The following OCA2 variants were observed in gnomAD, a reference collection of about 807,000 sequenced individuals.
OCA2 encodes the protein OCA2 melanosomal transmembrane protein.
A neutral mutation model predicts 100.2 loss-of-function variants in OCA2; 77 were observed. The ratio of observed to expected loss-of-function variants is 0.77; its 90% CI spans 0.64 to 0.93. The LOEUF is 0.93. Among genes scored for constraint, OCA2 ranks in the 40% least tolerant of loss-of-function variants. The probability of loss-of-function intolerance (pLI) is 0.00; values close to 1 mark genes in which losing one functional copy is unlikely to be tolerated. For synonymous variants in OCA2, 432 were observed against 439.2 expected (o/e 0.98, Z 0.21); for missense variants, 1,062 against 1,089.1 (o/e 0.98, Z 0.35).
At chr15:28,058,144 A>G (rs544026861) in intron 2 of OCA2, among the ~76,000 whole-genome samples, 40 of 152,330 alleles carry the variant, frequency 2.6e-4, no homozygotes, top group South Asian at 2.3e-3. Context: ...GTCCCCCCCA[A>G]TAATGAAATG....
chr15:28,033,094 T>C (rs1282554491), intron 2 of OCA2, among the ~76,000 whole-genome samples: 1 of 152,202 alleles, frequency 6.6e-6, no homozygotes, highest in Non-Finnish European at 1.5e-5. Flanking sequence ...CCACCATAAA[T>C]GTATCATTTA....
At chr15:28,034,832 A>G (rs1449499306) in intron 2 of OCA2, among the ~76,000 whole-genome samples, 2 of 152,246 alleles carry the variant, frequency 1.3e-5, no homozygotes, top group Non-Finnish European at 2.9e-5. Flanking sequence ...CCTAGTAATC[A>G]TAGCTTTTTT....
At chr15:27,837,502 A>C (rs1016977493) in intron 23 of OCA2, among the ~76,000 whole-genome samples, 1 of 152,202 alleles carries the variant, frequency 6.6e-6, no homozygotes, top group African/African-American at 2.4e-5. Context: ...CAGCCAAGCT[A>C]TCTCTCAGGC....
At chr15:27,719,761 A>C in the OCA2 span, among the ~76,000 whole-genome samples, 3 of 152,178 alleles carry the variant, frequency 2.0e-5, no homozygotes. Flanking sequence ...ATTTTGGCTC[A>C]CAGTTCTGGA....
At chr15:27,949,578 G>T (rs2039963618) in intron 18 of OCA2, among the ~76,000 whole-genome samples, 1 of 152,126 alleles carries the variant, frequency 6.6e-6, no homozygotes, top group African/African-American at 2.4e-5. Context: ...CAGGAGAATT[G>T]CTTGAGCCCA....
chr15:28,063,995 C>G (rs1317773569), intron 2 of OCA2, among the ~76,000 whole-genome samples: 1 of 152,134 alleles, frequency 6.6e-6, no homozygotes, highest in African/African-American at 2.4e-5. Context: ...TGTTAAAGAA[C>G]TCCCTCAGCT....
intron 16 of OCA2, among the ~76,000 whole-genome samples, chr15:27,956,928 C>G (rs574632131): frequency 6.6e-6 from 1 of 152,202 alleles, no homozygotes; most frequent in Admixed American, 6.5e-5. Flanking sequence ...GTTCACATTT[C>G]CCCTTGCCTA....
the OCA2 span, among the ~76,000 whole-genome samples, chr15:27,733,238 G>A: frequency 5.3e-5 from 8 of 152,288 alleles, no homozygotes; most frequent in South Asian, 2.1e-4. Flanking sequence ...TCTTCTTTCA[G>A]ATAGAATATT....
intron 14 of OCA2, among the ~76,000 whole-genome samples, chr15:27,978,689 C>T (rs1315425961): frequency 6.7e-6 from 1 of 149,144 alleles, no homozygotes; most frequent in Non-Finnish European, 1.5e-5. Flanking sequence ...GAGAGAGAGA[C>T]ATTTTTTTTT....
intron 2 of OCA2, among the ~76,000 whole-genome samples, chr15:28,049,589 T>C (rs889669949): frequency 6.6e-6 from 1 of 152,140 alleles, no homozygotes; most frequent in African/African-American, 2.4e-5. Context: ...AAAAGATTAA[T>C]AAAATATGGT....
chr15:28,077,993 C>T (rs2044487617), intron 2 of OCA2, among the ~76,000 whole-genome samples: 1 of 152,158 alleles, frequency 6.6e-6, no homozygotes, highest in Non-Finnish European at 1.5e-5. Flanking sequence ...GAAGGAGAAT[C>T]GCCTGAACCT....
intron 19 of OCA2, among the ~76,000 whole-genome samples, chr15:27,883,038 G>T (rs1395534982): frequency 6.6e-6 from 1 of 152,148 alleles, no homozygotes; most frequent in East Asian, 1.9e-4. Flanking sequence ...ATTAGGCTGA[G>T]GCTAGTGCAA....
At chr15:27,815,731 C>G (rs1312973464) in intron 23 of OCA2, among the ~76,000 whole-genome samples, 1 of 152,190 alleles carries the variant, frequency 6.6e-6, no homozygotes, top group East Asian at 1.9e-4. Flanking sequence ...TGAATGCTGA[C>G]ACGCACTGCC....
intron 1 of OCA2, among the ~76,000 whole-genome samples, chr15:28,089,615 A>G (rs1210986733): frequency 6.6e-6 from 1 of 152,210 alleles, no homozygotes. Flanking sequence ...AACATATCAG[A>G]AAAAAATGCA....
intron 9 of OCA2, among the ~76,000 whole-genome samples, chr15:27,997,037 G>GAGAGAGAGAA (rs1555370238): frequency 2.8e-5 from 4 of 141,748 alleles, no homozygotes; most frequent in Admixed American, 7.4e-5. Flanking sequence ...AAGAGAGAGA[G>GAGAGAGAGAA]AGAGAAAGAA....
At chr15:27,845,338 G>A (rs1011811210) in intron 22 of OCA2, among the ~76,000 whole-genome samples, 3 of 152,150 alleles carry the variant, frequency 2.0e-5, no homozygotes, top group Non-Finnish European at 2.9e-5. Flanking sequence ...GTGGGGCTGT[G>A]TGTCTTTCAG....
At chr15:28,092,832 C>G (rs968381889) in intron 1 of OCA2, among the ~76,000 whole-genome samples, 2 of 151,988 alleles carry the variant, frequency 1.3e-5, no homozygotes, top group Admixed American at 6.6e-5. Flanking sequence ...TCTAAGAAAA[C>G]TAGGAATAGA....
chr15:27,750,534 T>C (rs902184157), downstream of OCA2, among the ~76,000 whole-genome samples: 8 of 152,200 alleles, frequency 5.3e-5, 1 homozygote, highest in African/African-American at 1.9e-4. Context: ...AGCTGTCCCC[T>C]AGCATTCCCT....
Position 27,954,146 on chromosome 15 carries a change from CACACACACACACA to C in OCA2, c.1842+999_1842+1011del, listed in dbSNP as rs751304385. ...ACACACACACACACACACACACACA[CACACACACACACA>C]CCTAGGGTCATTTCTGTAAGAATTC... is the stretch of plus-strand genomic sequence containing the variant. On this transcript the variant is annotated intron_variant, in intron 17 of 23. Transcript: ENST00000354638. Among the ~76,000 whole-genome samples, 29 of 148,096 alleles carry C rather than the reference CACACACACACACA, an allele frequency of 2.0e-4. 1 individual carries two copies. In the East Asian group the frequency reaches 3.1e-3, roughly 16 times the overall value.
Sources: gnomAD v4.1 joint callset for allele counts (sites outside exome capture counted in the v4.1 genomes callset) on GRCh38, gnomAD v4.1.1 for gene constraint, MANE v1.5 for transcripts, NCBI Gene and HGNC (gene_info 2026-07-23, HGNC 2026-07-21) for gene names.